The following KALRN variants were observed in gnomAD, a reference collection of about 807,000 sequenced individuals.
The protein encoded by KALRN is kalirin.
KALRN carries 70 observed loss-of-function variants against 353.7 expected under a neutral mutation model. The observed-to-expected ratio is 0.20, with a 90% CI of 0.16 to 0.24. The LOEUF (loss-of-function observed/expected upper bound fraction) is 0.24. KALRN is among the 10% of genes least tolerant of loss of function. The pLI, the probability that KALRN is intolerant of heterozygous loss-of-function variation, is 1.00. For synonymous variants in KALRN, 1,391 were observed against 1,434.8 expected (o/e 0.97, Z 0.69); for missense variants, 2,791 against 3,756.7 (o/e 0.74, Z 6.72).
At chr3:124,692,691 G>A (rs2061873759) in intron 51 of KALRN, among the ~76,000 whole-genome samples, 1 of 152,194 alleles carries the variant, frequency 6.6e-6, no homozygotes, top group African/African-American at 2.4e-5. Context: ...TATTTGCCGG[G>A]CATTGTGCTA....
In KALRN at chr3:124,264,610, C is replaced by T. The variant is rs746245547; in HGVS notation, c.376C>T (p.His126Tyr). The T allele has an allele frequency of 6.2e-7, 1 of 1,614,184 alleles. No individual in the cohort carries two copies. Among genetic ancestry groups the T allele is most frequent in the Non-Finnish European group, 8.5e-7 (1 of 1,180,034 alleles). The change falls in exon 4 of 60, where the codon CAT becomes TAT. Residue 126 changes from histidine to tyrosine, a missense_variant. By Grantham distance (83) the His-to-Tyr change is moderately conservative. Around this residue, in one of 11 missense-constraint regions of KALRN, gnomAD observed 110 missense variants for 204.1 expected, o/e 0.54. Transcript: ENST00000682506. ...GCAGGAAGCCTTTCCAGCTGAGATC[C>T]ATGTGGCCCTCATCATTAAACCCGA... ...TLQEAFPAEIHVALIIKPDNF... is the reference protein window; with the variant it reads ...TLQEAFPAEIYVALIIKPDNF...
intron 3 of KALRN, among the ~76,000 whole-genome samples, chr3:124,247,974 T>G (rs929127227): frequency 6.6e-6 from 1 of 152,246 alleles, no homozygotes; most frequent in Non-Finnish European, 1.5e-5. Flanking sequence ...AATTTTGTTC[T>G]CAAAAGTCCA....
At chr3:124,616,858 G>T (rs1197962745) in intron 34 of KALRN, among the ~76,000 whole-genome samples, 2 of 151,750 alleles carry the variant, frequency 1.3e-5, no homozygotes, top group Non-Finnish European at 2.9e-5. Flanking sequence ...CCAGCTACTT[G>T]AGAGGCTGAG....
chr3:124,574,575 G>C (rs2073895976), intron 34 of KALRN, among the ~76,000 whole-genome samples: 10 of 152,214 alleles, frequency 6.6e-5, no homozygotes, highest in Admixed American at 6.5e-4. Flanking sequence ...TGATCCCAGA[G>C]AAGAAAGGCT....
At chr3:124,229,940 C>T (rs984518944) in intron 2 of KALRN, among the ~76,000 whole-genome samples, 5 of 152,212 alleles carry the variant, frequency 3.3e-5, no homozygotes, top group Admixed American at 2.0e-4. Flanking sequence ...GGCAGAACAA[C>T]TCCTTGGCAG....
At position 124,655,222 on chromosome 3, in the gene KALRN, C is replaced by A. The variant is rs118035279; in HGVS notation, c.5796-379C>A. ...AAGAAAAGTCTCATCTTAACCCCTG[C>A]CCAGCCTCAAAGCTTTCAGAACGCA... On this transcript the variant is annotated intron_variant, in intron 38 of 59. Coordinates refer to ENST00000682506, the MANE Select transcript of KALRN (RefSeq NM_001388419.1). Among the ~76,000 whole-genome samples, 10 of 152,340 alleles carry A rather than the reference C, an allele frequency of 6.6e-5. No individual in the cohort carries two copies. In the East Asian group the frequency reaches 1.9e-3, roughly 29 times the overall value.
chr3:124,697,669 C>G lies in KALRN; in HGVS notation c.7776C>G (p.Pro2592=), dbSNP rs745778157. 6.9e-6 allele frequency: 11 copies of G among 1,605,600 alleles called. No homozygotes were observed. The highest frequency in any genetic ancestry group is 6.8e-5 in the East Asian group (3 of 44,424). ...CCGTGATTCTCCGCTGGCTGCCCCC[C>G]TCCAGCACAGGAAACTGCACTATTT... ...CTSVILRWLP[P]SSTGNCTISG... The change falls in exon 55 of 60, where the codon CCC becomes CCG. Residue 2592 remains proline (P), a synonymous_variant. Transcript: ENST00000682506.
At chr3:124,407,807 C>G (rs370625281) in intron 13 of KALRN, 1 of 152,030 alleles carries the variant, frequency 6.6e-6, no homozygotes, top group African/African-American at 2.4e-5. Flanking sequence ...TATTTTGAGA[C>G]GGAATCTCGC....
intron 34 of KALRN, among the ~76,000 whole-genome samples, chr3:124,579,353 T>G (rs996210376): frequency 6.6e-6 from 1 of 152,212 alleles, no homozygotes; most frequent in East Asian, 1.9e-4. Flanking sequence ...GCCTTATTCA[T>G]GTAAAATGGA....
rs538570850 is a variant in KALRN, at chr3:124,361,643, A to T, written c.1770+14378A>T. 1.1e-4 allele frequency among the ~76,000 whole-genome samples: 16 copies of T among 152,268 alleles called. 1 individual carries two copies. In the South Asian group the frequency reaches 3.3e-3, roughly 32 times the overall value. On this transcript the variant is annotated intron_variant, in intron 10 of 59. Transcript: ENST00000682506. ...ACAGAGGGCTGGGTCTAAGCCAAGCATTCGGAATTTCTTCCCAAGAGAAAG... is the reference window on the plus strand; with the variant it reads ...ACAGAGGGCTGGGTCTAAGCCAAGCTTTCGGAATTTCTTCCCAAGAGAAAG...
At chr3:124,681,083 C>A (rs1333059487) in intron 51 of KALRN, among the ~76,000 whole-genome samples, 3 of 152,128 alleles carry the variant, frequency 2.0e-5, no homozygotes, top group African/African-American at 7.2e-5. Context: ...AGCCAGGTAC[C>A]TGTGTTCCAG....
intron 9 of KALRN, among the ~76,000 whole-genome samples, chr3:124,337,244 A>C (rs1164496237): frequency 6.6e-6 from 1 of 152,220 alleles, no homozygotes; most frequent in Non-Finnish European, 1.5e-5. Flanking sequence ...CCGATTTTCA[A>C]CGGAAATGCT....
chr3:124,074,833 T>A (rs1339940316), intron 1 of KALRN, among the ~76,000 whole-genome samples: 1 of 152,218 alleles, frequency 6.6e-6, no homozygotes, highest in Non-Finnish European at 1.5e-5. Context: ...ATTTTTTCAT[T>A]TTGTTTCTGG....
chr3:124,669,285 T>C (rs2086075223), intron 47 of KALRN, among the ~76,000 whole-genome samples: 1 of 152,206 alleles, frequency 6.6e-6, no homozygotes, highest in African/African-American at 2.4e-5. Flanking sequence ...TATTTAATTA[T>C]GATCTCCCTA....
At chr3:124,627,612 G>A (rs2080104479) in intron 34 of KALRN, among the ~76,000 whole-genome samples, 1 of 152,176 alleles carries the variant, frequency 6.6e-6, no homozygotes, top group South Asian at 2.1e-4. Flanking sequence ...TTGAAGGCTT[G>A]GATTCAGTAG....
chr3:124,221,726 T>C (rs2077928996), intron 1 of KALRN, among the ~76,000 whole-genome samples: 1 of 152,180 alleles, frequency 6.6e-6, no homozygotes, highest in Non-Finnish European at 1.5e-5. Context: ...AATTAAGATA[T>C]AGTGGATACA....
intron 33 of KALRN, among the ~76,000 whole-genome samples, chr3:124,521,507 C>T (rs754096027): frequency 2.0e-5 from 3 of 152,180 alleles, no homozygotes; most frequent in Non-Finnish European, 2.9e-5. Context: ...CATTCTTAAA[C>T]TGTTTTCCCT....
intron 10 of KALRN, among the ~76,000 whole-genome samples, chr3:124,359,140 C>T (rs534481478): frequency 6.6e-6 from 1 of 152,298 alleles, no homozygotes; most frequent in Non-Finnish European, 1.5e-5. Context: ...TCCTCCTTGA[C>T]ATCTTTTTAA....
chr3:124,265,295 A>ATTTTTTTTTTTTTTTTT (rs1465968614), intron 4 of KALRN, among the ~76,000 whole-genome samples: 10 of 61,090 alleles, frequency 1.6e-4, no homozygotes, highest in Non-Finnish European at 2.1e-4. Context: ...TTAAGAAAAT[A>ATTTTTTTTTTTTTTTTT]TTCTTTTTTT....
Sources: allele counts gnomAD v4.1 joint callset (sites outside exome capture counted in the v4.1 genomes callset), GRCh38; gene constraint gnomAD v4.1.1; regional missense constraint gnomAD v4.1.1; transcripts MANE v1.5; gene names NCBI Gene and HGNC (gene_info 2026-07-23, HGNC 2026-07-21).